GNG4: variants seen among roughly 807,000 people sequenced by gnomAD.
The protein encoded by GNG4 is guanine nucleotide-binding protein G(I)/G(S)/G(O) subunit gamma-4.
In GNG4, 4 loss-of-function variants were observed where a neutral mutation model predicts 5.8. The ratio of observed to expected loss-of-function variants is 0.69; its 90% CI spans 0.34 to 1.57. The LOEUF (loss-of-function observed/expected upper bound fraction) is 1.57. GNG4 is among the 40% of genes most tolerant of loss of function. The probability of loss-of-function intolerance (pLI) is 0.06; values close to 1 mark genes in which losing one functional copy is unlikely to be tolerated. For synonymous variants in GNG4, 29 were observed against 32.9 expected (o/e 0.88, Z 0.41); for missense variants, 96 against 95.1 (o/e 1.01, Z -0.04).
chr1:235,624,058 A>C (rs1688760438), intron 1 of GNG4, among the ~76,000 whole-genome samples: 1 of 151,828 alleles, frequency 6.6e-6, no homozygotes, highest in South Asian at 2.1e-4. Context: ...TGGCTCTAGC[A>C]GTCCCTTCAA....
At chr1:235,584,296 G>A (rs533138163) in intron 2 of GNG4, among the ~76,000 whole-genome samples, 1 of 152,278 alleles carries the variant, frequency 6.6e-6, no homozygotes, top group Non-Finnish European at 1.5e-5. Context: ...GCAAAAATCA[G>A]AGAAATTAAA....
rs1657599152 is a variant in GNG4 at position 235,649,380 on chromosome 1, G to A, written c.-123+282C>T. 6.6e-6 allele frequency among the ~76,000 whole-genome samples: 1 copy of A among 152,124 alleles called. No individual in the cohort carries two copies. The highest frequency in any genetic ancestry group is 2.1e-4 in the South Asian group (1 of 4,828). ...CTGCCTCATGCCGGAGGGACCGGGCGCCCCCAGCCCCGGAAGCCCCTGGAC... is the reference window on the plus strand; with the variant it reads ...CTGCCTCATGCCGGAGGGACCGGGCACCCCCAGCCCCGGAAGCCCCTGGAC... On this transcript the variant is annotated intron_variant, in intron 1 of 3. Transcript: ENST00000391854. The surrounding 1 kb of genome is among the most constrained non-coding windows in gnomAD (Gnocchi z 5.7).
rs992455958 is a variant in GNG4, at chr1:235,644,627, G to A, written c.-123+5035C>T. On this transcript the variant is annotated intron_variant, in intron 1 of 3. Coordinates refer to ENST00000391854, the MANE Select transcript of GNG4 (RefSeq NM_001098722.2). This position sits in a 1 kb window ranked among gnomAD's most constrained non-coding sequence, Gnocchi z 5.9. ...CTTCAGACTAGAGCAGCTTCTGAGT[G>A]ATACGCAAAGTTAACTGGGGCACAG... Among the ~76,000 whole-genome samples the A allele has an allele frequency of 2.0e-5, 3 of 152,214 alleles. No homozygotes were observed. Among genetic ancestry groups the A allele is most frequent in the Non-Finnish European group, 2.9e-5 (2 of 68,046 alleles).
At chr1:235,621,277 TTTTC>T (rs1461182951) in intron 1 of GNG4, among the ~76,000 whole-genome samples, 2 of 149,836 alleles carry the variant, frequency 1.3e-5, no homozygotes, top group South Asian at 2.1e-4. Context: ...CTTTTTTTCT[TTTTC>T]TTTTTCTTTT....
intron 1 of GNG4, among the ~76,000 whole-genome samples, chr1:235,601,929 G>A (rs189725197): frequency 6.6e-6 from 1 of 152,084 alleles, no homozygotes; most frequent in African/African-American, 2.4e-5. Flanking sequence ...ATGTCCCCTG[G>A]GAACGTGTCA....
chr1:235,616,026 G>A (rs1004504726), intron 1 of GNG4: 6 of 354,110 alleles, frequency 1.7e-5, no homozygotes, highest in Non-Finnish European at 2.7e-5. Context: ...CGTCTGTGTG[G>A]TCCAAGGCCT....
rs1688362857 is a variant in GNG4, at chr1:235,606,458, G to A, written c.-122-10947C>T. On this transcript the variant is annotated intron_variant, in intron 1 of 3. Coordinates refer to ENST00000391854, the MANE Select transcript of GNG4 (RefSeq NM_001098722.2). ...ACTGGCTCTGGTAGGGAGACGGGGT[G>A]GAGAGCCAGGTGGTGAGGGTGGAAG... is the stretch of plus-strand genomic sequence containing the variant. Among the ~76,000 whole-genome samples the A allele has an allele frequency of 2.0e-5, 3 of 152,154 alleles. No individual in the cohort carries two copies. In the South Asian group the frequency reaches 6.2e-4, roughly 32 times the overall value.
At chr1:235,621,289 TTTCTTTTC>T (rs1375494756) in intron 1 of GNG4, among the ~76,000 whole-genome samples, 3,908 of 149,170 alleles carry the variant, frequency 0.026, 140 homozygotes, top group African/African-American at 0.092. Flanking sequence ...TTCTTTTTCT[TTTCTTTTC>T]TTTTTTTTTT....
intron 1 of GNG4, among the ~76,000 whole-genome samples, chr1:235,628,197 A>ACCT (rs1234657581): frequency 2.0e-5 from 3 of 149,856 alleles, no homozygotes; most frequent in Admixed American, 6.6e-5. Context: ...AACAACAAAG[A>ACCT]CAACAACAAC....
At chr1:235,573,273 A>G (rs1687389371) in intron 3 of GNG4, among the ~76,000 whole-genome samples, 1 of 144,528 alleles carries the variant, frequency 6.9e-6, no homozygotes, top group Non-Finnish European at 1.5e-5. Context: ...TGGGAATTGA[A>G]CAATATCGCT....
intron 3 of GNG4, among the ~76,000 whole-genome samples, chr1:235,580,746 GT>G (rs56370700): frequency 4.5e-4 from 56 of 125,762 alleles, no homozygotes; most frequent in African/African-American, 1.3e-3. Flanking sequence ...CCCGTTTTTT[GT>G]TTTTTTTTTT....
At chr1:235,618,406 G>C (rs1245515491) in intron 1 of GNG4, among the ~76,000 whole-genome samples, 1 of 152,202 alleles carries the variant, frequency 6.6e-6, no homozygotes, top group Non-Finnish European at 1.5e-5. Flanking sequence ...CCAGCCTCAG[G>C]CACGCTGGAT....
chr1:235,583,952 C>G, intron 2 of GNG4, 104 bp from the exon 3 acceptor site: 1 of 613,168 alleles, frequency 1.6e-6, no homozygotes. Context: ...CAGGGAGCAT[C>G]TGGGAGCATG....
chr1:235,576,127 C>G (rs1212523671), intron 3 of GNG4, among the ~76,000 whole-genome samples: 1 of 142,014 alleles, frequency 7.0e-6, no homozygotes, highest in Non-Finnish European at 1.5e-5. Context: ...GTGGCGTGAT[C>G]TGGGCTCACT....
At chr1:235,569,475 G>T (rs1452580295) in intron 3 of GNG4, among the ~76,000 whole-genome samples, 1 of 143,904 alleles carries the variant, frequency 6.9e-6, no homozygotes, top group Non-Finnish European at 1.5e-5. Flanking sequence ...AAAAAAGAAT[G>T]TAATCAAAGT....
rs936827039 is a variant in GNG4, at chr1:235,638,064, A to G, written c.-123+11598T>C. ...CGCATCTGGCCAGCTTCATCTTCCA[A>G]TGCTCCTGGTCTCCGATAAGCCCCA... On this transcript the variant is annotated intron_variant, in intron 1 of 3. Transcript: ENST00000391854. Among the ~76,000 whole-genome samples the G allele has an allele frequency of 5.3e-5, 8 of 152,132 alleles. No individual in the cohort carries two copies. In the South Asian group the frequency reaches 6.2e-4, roughly 12 times the overall value.
In GNG4 at chr1:235,596,252, A is replaced by ACC. The variant is rs1553368877; in HGVS notation, c.-122-743_-122-742dup. Among the ~76,000 whole-genome samples the ACC allele has an allele frequency of 2.2e-3, 264 of 117,708 alleles. 1 individual carries two copies. Among genetic ancestry groups the ACC allele is most frequent in the African/African-American group, 6.7e-3 (198 of 29,592 alleles). The allele number at this position is 117,708 out of a possible 152,430, so 77.2% of individuals were successfully genotyped here. Reference sequence around the variant, plus strand: ...CACACACACACACACACACACACACACCTGGCCGGGCGCAGGGGCTTATGC... The same window carrying ACC: ...CACACACACACACACACACACACACACCCCTGGCCGGGCGCAGGGGCTTATGC... On this transcript the variant is annotated intron_variant, in intron 1 of 3. Transcript: ENST00000391854.
intron 2 of GNG4, among the ~76,000 whole-genome samples, chr1:235,591,565 T>C (rs1424368387): frequency 6.6e-6 from 1 of 152,186 alleles, no homozygotes; most frequent in African/African-American, 2.4e-5. Context: ...CTGGATGCTA[T>C]ATGTACTTCC....
intron 1 of GNG4, among the ~76,000 whole-genome samples, chr1:235,628,356 C>T (rs548647743): frequency 4.0e-5 from 6 of 150,966 alleles, no homozygotes; most frequent in South Asian, 2.1e-4. Flanking sequence ...CCTGCAGGAC[C>T]GGAGAGTGAC....
Sources: gnomAD v4.1 joint callset for allele counts (sites outside exome capture counted in the v4.1 genomes callset) on GRCh38, gnomAD v4.1.1 for gene constraint, Gnocchi (gnomAD v3.1) non-coding constraint, MANE v1.5 for transcripts, NCBI Gene and HGNC (gene_info 2026-07-23, HGNC 2026-07-21) for gene names.